Variants in CERS6 observed in about 807,000 individuals in gnomAD.
CERS6 encodes the protein LAG1 homolog, ceramide synthase 6.
In CERS6, 26 loss-of-function variants were observed where a neutral mutation model predicts 56.8. The observed-to-expected ratio is 0.46, with a 90% CI of 0.34 to 0.63. The LOEUF is 0.63. Ranked by LOEUF, CERS6 falls within the 30% of genes least tolerant of loss-of-function variation. The pLI, the probability that CERS6 is intolerant of heterozygous loss-of-function variation, is 0.01. For synonymous variants in CERS6, 164 were observed against 173.3 expected (o/e 0.95, Z 0.42); for missense variants, 415 against 467.5 (o/e 0.89, Z 1.04).
At chr2:168,750,361 G>T (rs1684227635) in intron 8 of CERS6, among the ~76,000 whole-genome samples, 2 of 152,060 alleles carry the variant, frequency 1.3e-5, no homozygotes, top group African/African-American at 2.4e-5. Context: ...TAGAAATTTT[G>T]TAGAAAAATT....
At chr2:168,584,873 T>C (rs938911630) in intron 3 of CERS6, among the ~76,000 whole-genome samples, 5 of 152,264 alleles carry the variant, frequency 3.3e-5, no homozygotes, top group African/African-American at 1.2e-4. Flanking sequence ...TTGGATTAGT[T>C]TCCTGTGAAA....
rs17809335 is a variant in CERS6 at position 168,566,507 on chromosome 2, G to A, written c.407+5185G>A. ...CTTAGTTTGTGATTCCATTGAACACGAGCTAATTCATCATTGAAAAATGAA... is the reference window on the plus strand; with the variant it reads ...CTTAGTTTGTGATTCCATTGAACACAAGCTAATTCATCATTGAAAAATGAA... On this transcript the variant is annotated intron_variant, in intron 3 of 9. Coordinates refer to ENST00000305747, the MANE Select transcript of CERS6 (RefSeq NM_203463.3). Among the ~76,000 whole-genome samples the A allele has an allele frequency of 9.9e-3, 1,502 of 152,270 alleles. 20 individuals are homozygous for A. Among genetic ancestry groups the A allele is most frequent in the South Asian group, 0.033 (160 of 4,818 alleles).
intron 8 of CERS6, among the ~76,000 whole-genome samples, chr2:168,756,231 T>G (rs2105452094): frequency 1.3e-5 from 2 of 152,330 alleles, no homozygotes; most frequent in Middle Eastern, 3.4e-3. Flanking sequence ...ATCTCAGTCT[T>G]TCTTAGGTTT....
At position 168,456,767 on chromosome 2, in the gene CERS6, CCTG is replaced by C. The variant is rs940932103; in HGVS notation, c.170+151_170+153del. 4.0e-5 allele frequency: 29 copies of C among 721,936 alleles called. No individual in the cohort carries two copies. Among genetic ancestry groups the C allele is most frequent in the Non-Finnish European group, 5.8e-5 (26 of 446,304 alleles). The allele number at this position is 721,936 out of a possible 1,614,324, so 44.7% of individuals were successfully genotyped here. On this transcript the variant is annotated intron_variant, in intron 1 of 9. Coordinates refer to ENST00000305747, the MANE Select transcript of CERS6 (RefSeq NM_203463.3). The surrounding 1 kb of genome is among the most constrained non-coding windows in gnomAD (Gnocchi z 4.1). The stretch of plus-strand genomic sequence containing the variant: ...TGTTCGGGGAGGGGTTGCTGACCCC[CCTG>C]CCCCGCTGGCTTTCTGGGAGCCAGA...
chr2:168,473,061 T>C (rs986964242), intron 1 of CERS6, among the ~76,000 whole-genome samples: 1 of 152,202 alleles, frequency 6.6e-6, no homozygotes, highest in African/African-American at 2.4e-5. Context: ...CTTTTTGTTC[T>C]GTCTTTGGAT....
At chr2:168,767,620 A>G (rs908521218) in intron 9 of CERS6, among the ~76,000 whole-genome samples, 5 of 152,180 alleles carry the variant, frequency 3.3e-5, no homozygotes, top group African/African-American at 1.2e-4. Context: ...CTTCATCACC[A>G]CTGGTTGGCA....
chr2:168,574,625 T>C (rs1380358915), intron 3 of CERS6, among the ~76,000 whole-genome samples: 1 of 152,180 alleles, frequency 6.6e-6, no homozygotes, highest in African/African-American at 2.4e-5. Flanking sequence ...ATAAAATGAT[T>C]CGTGTAAAGC....
At chr2:168,480,463 G>A (rs79951391) in intron 1 of CERS6, among the ~76,000 whole-genome samples, 1 of 152,198 alleles carries the variant, frequency 6.6e-6, no homozygotes, top group East Asian at 1.9e-4. Flanking sequence ...ACCTCTTAAT[G>A]TTAGAGATGA....
chr2:168,577,023 A>G lies in CERS6; in HGVS notation c.407+15701A>G, dbSNP rs148710740. 9.1e-4 allele frequency among the ~76,000 whole-genome samples: 138 copies of G among 152,308 alleles called. 2 individuals carry two copies. The highest frequency in any genetic ancestry group is 2.7e-3 in the African/African-American group (113 of 41,562). On this transcript the variant is annotated intron_variant, in intron 3 of 9. Transcript: ENST00000305747. ...ATCTGGAGGTATCTATTAGATATCT[A>G]TGCAGAGGAGTGCTGTAGGCAGCTG...
At chr2:168,486,103 T>C (rs1325481308) in intron 1 of CERS6, among the ~76,000 whole-genome samples, 2 of 152,218 alleles carry the variant, frequency 1.3e-5, no homozygotes, top group Non-Finnish European at 2.9e-5. Context: ...TAATGACATA[T>C]GATATTGAAC....
At chr2:168,701,523 A>T (rs1242300539) in intron 6 of CERS6, among the ~76,000 whole-genome samples, 1 of 152,214 alleles carries the variant, frequency 6.6e-6, no homozygotes, top group Non-Finnish European at 1.5e-5. Context: ...TACTAATAGT[A>T]GTCATTGTAC....
chr2:168,745,117 A>T (rs1684059147), intron 8 of CERS6, among the ~76,000 whole-genome samples: 1 of 152,250 alleles, frequency 6.6e-6, no homozygotes, highest in South Asian at 2.1e-4. Context: ...TTATTCAGAT[A>T]AAGGGAAATG....
intron 4 of CERS6, among the ~76,000 whole-genome samples, chr2:168,655,500 T>C (rs563166361): frequency 1.6e-4 from 24 of 152,254 alleles, no homozygotes; most frequent in African/African-American, 5.8e-4. Context: ...AGTGGATAGA[T>C]AAAGAAATGT....
intron 1 of CERS6, among the ~76,000 whole-genome samples, chr2:168,486,519 G>GTTTTTTTTTTTTTTTTTTTTTTT (rs200121622): frequency 7.6e-6 from 1 of 130,974 alleles, no homozygotes; most frequent in Non-Finnish European, 1.6e-5. Context: ...TCTAGATTTG[G>GTTTTTTTTTTTTTTTTTTTTTTT]TTTTGTTTTT....
intron 1 of CERS6, among the ~76,000 whole-genome samples, chr2:168,472,253 T>C (rs140616227): frequency 6.6e-6 from 1 of 152,248 alleles, no homozygotes; most frequent in Non-Finnish European, 1.5e-5. Context: ...GTATACCTTC[T>C]TGTACAGCTC....
At chr2:168,630,628 G>C (rs1344837985) in intron 3 of CERS6, among the ~76,000 whole-genome samples, 1 of 152,000 alleles carries the variant, frequency 6.6e-6, no homozygotes, top group Non-Finnish European at 1.5e-5. Flanking sequence ...TGTTAGTTTT[G>C]AATTATTTGT....
intron 8 of CERS6, among the ~76,000 whole-genome samples, chr2:168,751,338 C>CAGAG (rs1412100441): frequency 6.6e-6 from 1 of 152,156 alleles, no homozygotes; most frequent in African/African-American, 2.4e-5. Context: ...TACCAGAAGA[C>CAGAG]AGAGCACTAC....
At chr2:168,665,777 A>G (rs1034553282) in intron 4 of CERS6, among the ~76,000 whole-genome samples, 4 of 152,350 alleles carry the variant, frequency 2.6e-5, no homozygotes, top group Admixed American at 2.0e-4. Flanking sequence ...AAACAAGATT[A>G]TGCAACTAGT....
chr2:168,730,640 C>T (rs921868312), intron 8 of CERS6, among the ~76,000 whole-genome samples: 1 of 152,154 alleles, frequency 6.6e-6, no homozygotes, highest in South Asian at 2.1e-4. Context: ...ATTAGGTGCC[C>T]AACCTCAAAT....
Sources: gnomAD v4.1 joint callset for allele counts (sites outside exome capture counted in the v4.1 genomes callset) on GRCh38, gnomAD v4.1.1 for gene constraint, Gnocchi (gnomAD v3.1) non-coding constraint, MANE v1.5 for transcripts, NCBI Gene and HGNC (gene_info 2026-07-23, HGNC 2026-07-21) for gene names.